The following ARHGAP8 variants were observed in gnomAD, a reference collection of about 807,000 sequenced individuals.
ARHGAP8 encodes the protein Rho GTPase activating protein 8.
A neutral mutation model predicts 46.1 loss-of-function variants in ARHGAP8; 62 were observed. The observed-to-expected ratio is 1.34, with a 90% CI of 1.10 to 1.66. The LOEUF (loss-of-function observed/expected upper bound fraction) is 1.66, where lower values mean the gene tolerates loss of function less well. Among genes scored for constraint, ARHGAP8 ranks in the 40% most tolerant of loss-of-function variants. The probability of loss-of-function intolerance (pLI) is 0.00; values close to 1 mark genes in which losing one functional copy is unlikely to be tolerated. For missense variants in ARHGAP8, 923 were observed against 568.4 expected (o/e 1.62, Z -6.34); for synonymous variants, 375 against 243.1 (o/e 1.54, Z -5.05).
At chr22:44,851,606 C>G (rs2070095708) in intron 10 of ARHGAP8, among the ~76,000 whole-genome samples, 1 of 152,072 alleles carries the variant, frequency 6.6e-6, no homozygotes, top group South Asian at 2.1e-4. Flanking sequence ...AGAAAGATCA[C>G]TTGAGTCCAA....
chr22:44,790,568 T>A (rs534471730), intron 2 of ARHGAP8, among the ~76,000 whole-genome samples: 1 of 147,238 alleles, frequency 6.8e-6, no homozygotes, highest in Non-Finnish European at 1.5e-5. Flanking sequence ...CCCAGCTACT[T>A]GGGAGGCTGA....
chr22:44,789,315 T>C (rs1004073791), intron 2 of ARHGAP8, among the ~76,000 whole-genome samples: 1 of 152,056 alleles, frequency 6.6e-6, no homozygotes. Context: ...CAAGCCCCGA[T>C]AATTTTTGTA....
intron 6 of ARHGAP8, 82 bp from the exon 7 acceptor site, chr22:44,825,400 TG>T (rs1930435506): frequency 6.8e-7 from 1 of 1,460,676 alleles, no homozygotes. Flanking sequence ...GTCCTGCAGG[TG>T]GGGCATCCAG....
intron 8 of ARHGAP8, among the ~76,000 whole-genome samples, chr22:44,847,229 G>T (rs1263153533): frequency 6.6e-6 from 1 of 152,198 alleles, no homozygotes; most frequent in African/African-American, 2.4e-5. Flanking sequence ...TGGCCAGAGG[G>T]AGCCCTTCCC....
intron 2 of ARHGAP8, among the ~76,000 whole-genome samples, chr22:44,793,624 T>C (rs1602183744): frequency 6.6e-6 from 1 of 152,192 alleles, no homozygotes; most frequent in Non-Finnish European, 1.5e-5. Flanking sequence ...GAGAGAATGA[T>C]GACTCGCCCC....
chr22:44,848,246 C>T (rs548511580), intron 9 of ARHGAP8, among the ~76,000 whole-genome samples, 196 bp downstream of exon 9: 7 of 152,364 alleles, frequency 4.6e-5, no homozygotes, highest in Admixed American at 2.0e-4. Context: ...TTTGTCCAGA[C>T]CCCCAACCCC....
intron 10 of ARHGAP8, among the ~76,000 whole-genome samples, chr22:44,859,034 C>T (rs1468330362): frequency 2.6e-5 from 4 of 151,782 alleles, no homozygotes; most frequent in Non-Finnish European, 4.4e-5. Flanking sequence ...CAAAAACAGG[C>T]AGTGGGCCAG....
chr22:44,807,010 G>A (rs1928975585), intron 3 of ARHGAP8, among the ~76,000 whole-genome samples: 1 of 152,010 alleles, frequency 6.6e-6, no homozygotes, highest in Admixed American at 6.6e-5. Flanking sequence ...GGCATCCTTG[G>A]TCTCCAGGCT....
intron 3 of ARHGAP8, among the ~76,000 whole-genome samples, chr22:44,803,704 C>T (rs1320885586): frequency 1.9e-5 from 2 of 105,726 alleles, no homozygotes; most frequent in African/African-American, 3.7e-5. Flanking sequence ...CCCAGGAACA[C>T]ACCCCCCCAT....
At chr22:44,762,328 C>T (rs1040786907) in intron 1 of ARHGAP8, among the ~76,000 whole-genome samples, 16 of 151,934 alleles carry the variant, frequency 1.1e-4, no homozygotes, top group Non-Finnish European at 2.1e-4. Flanking sequence ...CTCAGCTACT[C>T]GGGAGGCTGA....
chr22:44,786,248 GAGGGCGCGTACTGGGTGCTCGGCTGAGGC>G (rs1927217292), intron 1 of ARHGAP8, 180 bp from the exon 2 acceptor site: 66 of 663,344 alleles, frequency 9.9e-5, no homozygotes, highest in East Asian at 1.7e-4. Flanking sequence ...TCGGCTGAGG[GAGGGCGCGTACTGGGTGCTCGGCTGAGGC>G]AGGGCGCCTA....
chr22:44,760,250 C>T (rs529442925), intron 1 of ARHGAP8, among the ~76,000 whole-genome samples: 1 of 152,292 alleles, frequency 6.6e-6, no homozygotes, highest in East Asian at 1.9e-4. Flanking sequence ...CGAATTCATG[C>T]ATAGCTGAGA....
chr22:44,839,678 GGT>G (rs1464864171), intron 7 of ARHGAP8, among the ~76,000 whole-genome samples: 1 of 152,140 alleles, frequency 6.6e-6, no homozygotes, highest in Non-Finnish European at 1.5e-5. Context: ...ATGAAACGAT[GGT>G]GGAAATGAGG....
chr22:44,791,801 C>A (rs1824316648), intron 2 of ARHGAP8, among the ~76,000 whole-genome samples: 1 of 152,134 alleles, frequency 6.6e-6, no homozygotes, highest in South Asian at 2.1e-4. Flanking sequence ...AAGATGCCGG[C>A]CTTAACCAGC....
chr22:44,814,586 G>A, intron 4 of ARHGAP8, 86 bp from the exon 5 acceptor site: 2 of 1,126,548 alleles, frequency 1.8e-6, no homozygotes, highest in South Asian at 1.4e-5. Flanking sequence ...GAGACTCACA[G>A]TGGAGGCAGC....
Position 44,777,998 on chromosome 22 carries a change from T to TTTA in ARHGAP8, c.-71-8457_-71-8456insATT, listed in dbSNP as rs1926547376. Among the ~76,000 whole-genome samples the TTTA allele has an allele frequency of 2.8e-5, 4 of 143,786 alleles. No homozygotes were observed. The East Asian group carries it at 8.3e-4, about 30-fold the overall frequency. 94.3% of individuals were successfully genotyped at this position (143,786 alleles called of 152,430 possible). On this transcript the variant is annotated intron_variant, in intron 1 of 11. Transcript: ENST00000356099. ...GGCATGAGCCACTGTGCCTGGACTA[T>TTTA]TTTATTTATTTATTTATTTATTTAT...
At chr22:44,802,712 G>T (rs1300730612) in intron 3 of ARHGAP8, among the ~76,000 whole-genome samples, 2 of 152,128 alleles carry the variant, frequency 1.3e-5, no homozygotes, top group Non-Finnish European at 2.9e-5. Context: ...AGGCTGCGGG[G>T]GAGCTTCTGG....
At chr22:44,780,168 T>C (rs1926738862) in intron 1 of ARHGAP8, among the ~76,000 whole-genome samples, 1 of 152,150 alleles carries the variant, frequency 6.6e-6, no homozygotes, top group East Asian at 1.9e-4. Context: ...AATATATTCA[T>C]GTGGCTCAAA....
At chr22:44,807,559 G>A (rs1471188038) in intron 3 of ARHGAP8, among the ~76,000 whole-genome samples, 1 of 152,200 alleles carries the variant, frequency 6.6e-6, no homozygotes, top group Non-Finnish European at 1.5e-5. Flanking sequence ...GGTGTTGGGG[G>A]TCAACGGCAA....
Sources: allele counts gnomAD v4.1 joint callset (sites outside exome capture counted in the v4.1 genomes callset), GRCh38; gene constraint gnomAD v4.1.1; transcripts MANE v1.5; gene names NCBI Gene and HGNC (gene_info 2026-07-23, HGNC 2026-07-21).